SLC67A2: variants seen among roughly 807,000 people sequenced by gnomAD.
SLC67A2 encodes solute carrier family 67 member A2.
the SLC67A2 span, chr2:102,731,136 C>T: frequency 1.5e-6 from 2 of 1,332,578 alleles, no homozygotes; most frequent in Non-Finnish European, 2.1e-6. Flanking sequence ...AATGTGATAA[C>T]AATTACACAG....
the SLC67A2 span, among the ~76,000 whole-genome samples, chr2:102,733,414 G>A: frequency 1.3e-5 from 2 of 152,264 alleles, no homozygotes; most frequent in African/African-American, 4.8e-5. Flanking sequence ...CCTGGTAGCT[G>A]TACATTCATA....
the SLC67A2 span, chr2:102,718,510 G>A: frequency 0.34 from 546,754 of 1,613,608 alleles, 96,140 homozygotes; most frequent in East Asian, 0.59. Flanking sequence ...CTAACACAGC[G>A]CCCAGGCTGG....
the SLC67A2 span, among the ~76,000 whole-genome samples, chr2:102,725,397 C>T: frequency 6.6e-6 from 1 of 152,200 alleles, no homozygotes; most frequent in Non-Finnish European, 1.5e-5. Flanking sequence ...GGCTCACTTC[C>T]TATTAAATAA....
the SLC67A2 span, among the ~76,000 whole-genome samples, chr2:102,728,723 C>G: frequency 6.6e-6 from 1 of 152,180 alleles, no homozygotes; most frequent in African/African-American, 2.4e-5. Context: ...TTGGGCTCAA[C>G]GCTGAACTCA....
At chr2:102,718,605 C>G in the SLC67A2 span, 26 of 1,613,514 alleles carry the variant, frequency 1.6e-5, 1 homozygote, top group South Asian at 8.8e-5. Flanking sequence ...GACTGCCCCA[C>G]GCCAATAAGG....
chr2:102,724,245 G>C, the SLC67A2 span, among the ~76,000 whole-genome samples: 9 of 152,130 alleles, frequency 5.9e-5, no homozygotes, highest in South Asian at 1.9e-3. Flanking sequence ...GCATTTCACG[G>C]TGGCTTCCAT....
the SLC67A2 span, among the ~76,000 whole-genome samples, chr2:102,729,322 T>C: frequency 6.6e-6 from 1 of 152,212 alleles, no homozygotes; most frequent in Non-Finnish European, 1.5e-5. Flanking sequence ...CCAGGTACTC[T>C]GATAAGTAAG....
chr2:102,726,742 G>A, the SLC67A2 span: 4 of 1,469,196 alleles, frequency 2.7e-6, no homozygotes, highest in South Asian at 2.9e-5. Context: ...TAAGGATGTT[G>A]AGCAAGACCA....
chr2:102,719,785 C>T, the SLC67A2 span, among the ~76,000 whole-genome samples: 2 of 152,216 alleles, frequency 1.3e-5, no homozygotes, highest in Non-Finnish European at 2.9e-5. Context: ...TGCAGGCTGC[C>T]ACATATGTGA....
the SLC67A2 span, chr2:102,718,723 C>G: frequency 6.2e-6 from 10 of 1,613,900 alleles, no homozygotes; most frequent in Non-Finnish European, 5.9e-6. Context: ...CAACTGCACC[C>G]ATGGTGGGGG....
chr2:102,727,209 A>C, the SLC67A2 span, among the ~76,000 whole-genome samples: 6 of 152,204 alleles, frequency 3.9e-5, no homozygotes, highest in African/African-American at 1.4e-4. Context: ...CAAACAAAAA[A>C]GTCTGATGAT....
the SLC67A2 span, chr2:102,719,170 C>T: frequency 1.9e-5 from 30 of 1,613,556 alleles, no homozygotes; most frequent in Admixed American, 2.5e-4. Context: ...CTGTACTGCC[C>T]GGTTTTGCTT....
At chr2:102,722,880 T>C in the SLC67A2 span, among the ~76,000 whole-genome samples, 1 of 152,164 alleles carries the variant, frequency 6.6e-6, no homozygotes, top group African/African-American at 2.4e-5. Flanking sequence ...GTGGATACGA[T>C]TTGCAAATCA....
the SLC67A2 span, among the ~76,000 whole-genome samples, chr2:102,736,237 TGGTAAAAAGG>T: frequency 6.6e-6 from 1 of 152,078 alleles, no homozygotes; most frequent in Admixed American, 6.5e-5. Flanking sequence ...CTGCCTGTTC[TGGTAAAAAGG>T]CTTGCGTGTC....
the SLC67A2 span, chr2:102,732,392 G>A: frequency 6.2e-7 from 1 of 1,611,896 alleles, no homozygotes; most frequent in South Asian, 1.1e-5. Context: ...GCACAACCAT[G>A]CTGACACCAA....
the SLC67A2 span, among the ~76,000 whole-genome samples, chr2:102,714,702 C>G: frequency 6.6e-6 from 1 of 152,006 alleles, no homozygotes; most frequent in Non-Finnish European, 1.5e-5. Flanking sequence ...AACATTAGAG[C>G]TGAAAAAAAG....
chr2:102,719,456 C>T, the SLC67A2 span, among the ~76,000 whole-genome samples: 4 of 152,172 alleles, frequency 2.6e-5, no homozygotes, highest in African/African-American at 9.7e-5. Context: ...TCACTGCTTC[C>T]TCCCAGCTCA....
At chr2:102,736,770 C>G in the SLC67A2 span, 1 of 1,613,680 alleles carries the variant, frequency 6.2e-7, no homozygotes, top group East Asian at 2.2e-5. Flanking sequence ...CGAGACCAGC[C>G]TCGGGGCCGA....
chr2:102,735,518 C>A, the SLC67A2 span, among the ~76,000 whole-genome samples: 1 of 152,170 alleles, frequency 6.6e-6, no homozygotes, highest in African/African-American at 2.4e-5. Flanking sequence ...GCCTCAAAGG[C>A]AGCCTTCTCC....
Sources: allele counts gnomAD v4.1 joint callset (sites outside exome capture counted in the v4.1 genomes callset), GRCh38; gene constraint gnomAD v4.1.1; transcripts MANE v1.5; gene names NCBI Gene and HGNC (gene_info 2026-07-23, HGNC 2026-07-21).